Variants in NXN observed in about 807,000 individuals in gnomAD.
The protein encoded by NXN is nucleoredoxin, also known as nucleoredoxin 1.
A neutral mutation model predicts 48.6 loss-of-function variants in NXN; 16 were observed. The observed-to-expected ratio is 0.33, with a 90% CI of 0.22 to 0.50. NXN has a LOEUF of 0.50. Ranked by LOEUF, NXN falls within the 20% of genes least tolerant of loss-of-function variation. The pLI, the probability that NXN is intolerant of heterozygous loss-of-function variation, is 0.98. For missense variants in NXN, 492 were observed against 605.5 expected (o/e 0.81, Z 1.97); for synonymous variants, 281 against 269.6 (o/e 1.04, Z -0.41).
At chr17:897,333 C>T (rs2068497445) in intron 1 of NXN, among the ~76,000 whole-genome samples, 1 of 152,206 alleles carries the variant, frequency 6.6e-6, no homozygotes, top group Non-Finnish European at 1.5e-5. Flanking sequence ...GAAACAAAGC[C>T]AGCATGGGCT....
intron 1 of NXN, among the ~76,000 whole-genome samples, chr17:945,615 AGT>A (rs1286366955): frequency 8.9e-5 from 12 of 135,468 alleles, no homozygotes; most frequent in Non-Finnish European, 1.7e-4. Context: ...TGGGCGAGAG[AGT>A]GACTCCGTCT....
At chr17:965,061 G>A (rs1043893162) in intron 1 of NXN, among the ~76,000 whole-genome samples, 1 of 152,156 alleles carries the variant, frequency 6.6e-6, no homozygotes, top group African/African-American at 2.4e-5. Flanking sequence ...ACAAATGGGG[G>A]ACTCTCAACC....
intron 1 of NXN, among the ~76,000 whole-genome samples, chr17:913,275 C>T (rs996611028): frequency 1.6e-5 from 2 of 126,096 alleles, no homozygotes; most frequent in Non-Finnish European, 3.5e-5. Context: ...ATCACCAAAC[C>T]ACTGCCAGCT....
chr17:974,941 C>T (rs1313136788), intron 1 of NXN, among the ~76,000 whole-genome samples: 2 of 152,102 alleles, frequency 1.3e-5, no homozygotes, highest in Non-Finnish European at 2.9e-5. Context: ...ATCCTCCTGC[C>T]TCAGCCTCCC....
chr17:866,792 T>C (rs1438942892), intron 1 of NXN, among the ~76,000 whole-genome samples: 1 of 152,232 alleles, frequency 6.6e-6, no homozygotes, highest in Non-Finnish European at 1.5e-5. Context: ...TGTGGACTAA[T>C]CTGGTTTGTG....
chr17:867,012 CA>C (rs2068101675), intron 1 of NXN, among the ~76,000 whole-genome samples: 1 of 150,100 alleles, frequency 6.7e-6, no homozygotes, highest in South Asian at 2.2e-4. Context: ...GCTTGGTCAG[CA>C]AGTTCTCGGG....
intron 5 of NXN, among the ~76,000 whole-genome samples, chr17:805,514 C>G (rs1454197236): frequency 6.6e-6 from 1 of 152,144 alleles, no homozygotes; most frequent in Admixed American, 6.5e-5. Flanking sequence ...TCAGCTGCAG[C>G]CTGATGAGTG....
At position 923,223 on chromosome 17, in the gene NXN, C is replaced by T. The variant is rs999404538; in HGVS notation, c.360+56096G>A. ...CCAAGGCAGGAGGTTTTTACTACAA[C>T]ATCTCCAGGCAGGGCCCTTGTCTTA... On this transcript the variant is annotated intron_variant, in intron 1 of 7. Transcript: ENST00000336868. Among the ~76,000 whole-genome samples, 3 of 152,164 alleles carry T rather than the reference C, an allele frequency of 2.0e-5. No homozygotes were observed. The East Asian group carries it at 5.8e-4, about 29-fold the overall frequency.
At chr17:902,802 C>A (rs2068548997) in intron 1 of NXN, among the ~76,000 whole-genome samples, 1 of 145,518 alleles carries the variant, frequency 6.9e-6, no homozygotes, top group African/African-American at 2.6e-5. Flanking sequence ...TTTTTTAAGA[C>A]TGACTTTCGC....
intron 1 of NXN, among the ~76,000 whole-genome samples, chr17:969,616 G>A (rs1436572093): frequency 6.6e-6 from 1 of 152,156 alleles, no homozygotes; most frequent in African/African-American, 2.4e-5. Flanking sequence ...CCTGAAAAAT[G>A]AGTAACAGAT....
intron 1 of NXN, among the ~76,000 whole-genome samples, chr17:914,709 T>G (rs2068669293): frequency 6.6e-6 from 1 of 151,682 alleles, no homozygotes; most frequent in Non-Finnish European, 1.5e-5. Flanking sequence ...GTCCATTGAG[T>G]GAGGTCATTA....
chr17:882,312 C>G (rs1027289641), intron 1 of NXN, among the ~76,000 whole-genome samples: 1 of 152,182 alleles, frequency 6.6e-6, no homozygotes, highest in East Asian at 1.9e-4. Flanking sequence ...TACCCTCCAC[C>G]CAGTGTCCCC....
At chr17:829,487 A>C (rs933046199) in intron 1 of NXN, among the ~76,000 whole-genome samples, 1 of 143,046 alleles carries the variant, frequency 7.0e-6, no homozygotes, top group Non-Finnish European at 1.5e-5. Context: ...AAGTTCTGGG[A>C]TACATGTGCA....
intron 1 of NXN, among the ~76,000 whole-genome samples, chr17:969,228 A>G (rs560633412): frequency 1.4e-3 from 211 of 152,304 alleles, no homozygotes; most frequent in Non-Finnish European, 2.5e-3. Context: ...AATCCTTAAC[A>G]ACCACCCTAA....
At chr17:959,755 C>T (rs1011907385) in intron 1 of NXN, among the ~76,000 whole-genome samples, 5 of 148,684 alleles carry the variant, frequency 3.4e-5, no homozygotes, top group African/African-American at 1.2e-4. Flanking sequence ...GATCGCGCCA[C>T]CACACTCCAG....
rs762844151 is a variant in NXN, at chr17:979,323, C to T, written c.356G>A (p.Arg119Lys). Reference protein sequence around the residue: ...WLALPYKEKHRKLKLWNKYRI... With the variant: ...WLALPYKEKHKKLKLWNKYRI... The stretch of plus-strand genomic sequence containing the variant: ...GGCGAGGCCCGCGCCGCTCACCTTC[C>T]TGTGCTTCTCCTTGTAGGGCAGCGC... Residue 119 changes from arginine to lysine, a missense_variant, in exon 1 of 8, where the codon AGG (arginine) becomes AAG (lysine). Around this residue, in one of 3 missense-constraint regions of NXN, gnomAD observed 186 missense variants for 199.1 expected, o/e 0.93. Coordinates refer to ENST00000336868, the MANE Select transcript of NXN (RefSeq NM_022463.5). The T allele has an allele frequency of 1.3e-6, 2 of 1,523,712 alleles. No homozygotes were observed. Among genetic ancestry groups the T allele is most frequent in the African/African-American group, 1.5e-5 (1 of 67,936 alleles). The allele number at this position is 1,523,712 out of a possible 1,614,324, so 94.4% of individuals were successfully genotyped here.
intron 1 of NXN, among the ~76,000 whole-genome samples, chr17:879,302 T>G (rs1197463442): frequency 6.7e-6 from 1 of 148,302 alleles, no homozygotes; most frequent in East Asian, 2.0e-4. Flanking sequence ...TTTGTTTTTT[T>G]TTTTTGAGAC....
chr17:844,305 C>T (rs2144726052), intron 1 of NXN, among the ~76,000 whole-genome samples: 1 of 147,112 alleles, frequency 6.8e-6, no homozygotes, highest in Middle Eastern at 3.5e-3. Flanking sequence ...ATCACACGTC[C>T]CGTCCTGCCC....
At position 920,137 on chromosome 17, in the gene NXN, C is replaced by T. The variant is rs571418500; in HGVS notation, c.360+59182G>A. Among the ~76,000 whole-genome samples, 20 of 152,000 alleles carry T rather than the reference C, an allele frequency of 1.3e-4. No individual in the cohort carries two copies. The highest frequency in any genetic ancestry group is 2.5e-4 in the Non-Finnish European group (17 of 67,986). ...CTGGTCTTGAACTCCTGGGCTCAAG[C>T]GATCAGCCCATCTCAGCCGCCCAAA... On this transcript the variant is annotated intron_variant, in intron 1 of 7. Coordinates refer to ENST00000336868, the MANE Select transcript of NXN (RefSeq NM_022463.5). This position sits in a 1 kb window ranked among gnomAD's most constrained non-coding sequence, Gnocchi z 4.6.
Sources: gnomAD v4.1 joint callset for allele counts (sites outside exome capture counted in the v4.1 genomes callset) on GRCh38, gnomAD v4.1.1 for gene constraint, gnomAD v4.1.1 regional missense constraint, Gnocchi (gnomAD v3.1) non-coding constraint, MANE v1.5 for transcripts, NCBI Gene and HGNC (gene_info 2026-07-23, HGNC 2026-07-21) for gene names.